The following SHANK2 variants were observed in gnomAD, a reference collection of about 807,000 sequenced individuals.
SHANK2 encodes SH3 and multiple ankyrin repeat domains protein 2.
A neutral mutation model predicts 133.7 loss-of-function variants in SHANK2; 43 were observed. The observed-to-expected ratio is 0.32, with a 90% CI of 0.25 to 0.41. SHANK2 has a LOEUF of 0.41. SHANK2 is among the 10% of genes least tolerant of loss of function. SHANK2 has a pLI of 1.00. For synonymous variants in SHANK2, 1,017 were observed against 952.8 expected (o/e 1.07, Z -1.24); for missense variants, 1,994 against 2,235.8 (o/e 0.89, Z 2.18).
intron 15 of SHANK2, among the ~76,000 whole-genome samples, chr11:70,690,154 A>G (rs983807211): frequency 2.0e-5 from 3 of 152,164 alleles, no homozygotes; most frequent in African/African-American, 7.2e-5. Flanking sequence ...TTCAAATTGG[A>G]GCAGAATGTC....
chr11:70,622,327 C>G (rs570388981), intron 17 of SHANK2, among the ~76,000 whole-genome samples: 208 of 152,252 alleles, frequency 1.4e-3, no homozygotes, highest in Non-Finnish European at 2.5e-3. Flanking sequence ...CCCCCGCCCC[C>G]ACCTGTGCTG....
In SHANK2 at chr11:70,485,991, G is replaced by C. The variant is rs940402416; in HGVS notation, c.4302C>G (p.Leu1434=). ...TTTTCTTCTGCTTCACTAAGTCTGA[G>C]AGAGCCGGGACAGAAGCTGCCCGGT... ...PDDRAASVPA[L]SDLVKQKKSD... is the part of the protein sequence containing the mutation. Residue 1434 remains leucine, a synonymous_variant, in exon 25 of 26, where the codon CTC becomes CTG. Coordinates refer to ENST00000601538, the MANE Select transcript of SHANK2 (RefSeq NM_012309.5). This position sits in a 1 kb window ranked among gnomAD's most constrained non-coding sequence, Gnocchi z 5.8. 10 of 1,614,118 alleles carry C rather than the reference G, an allele frequency of 6.2e-6. No homozygotes were observed. Among genetic ancestry groups the C allele is most frequent in the Non-Finnish European group, 8.5e-6 (10 of 1,180,040 alleles).
At chr11:71,087,548 A>G (rs1951435349) in intron 8 of SHANK2, among the ~76,000 whole-genome samples, 1 of 152,198 alleles carries the variant, frequency 6.6e-6, no homozygotes, top group Admixed American at 6.5e-5. Flanking sequence ...AAGGGAAGAC[A>G]TGTCTGGAAA....
intron 17 of SHANK2, among the ~76,000 whole-genome samples, chr11:70,637,870 G>A (rs1214008835): frequency 6.6e-6 from 1 of 152,240 alleles, no homozygotes; most frequent in Non-Finnish European, 1.5e-5. Flanking sequence ...CCAGTGACGG[G>A]GCTGGAGCCC....
At chr11:70,935,980 C>A (rs899210111) in intron 10 of SHANK2, among the ~76,000 whole-genome samples, 3 of 152,200 alleles carry the variant, frequency 2.0e-5, no homozygotes, top group Non-Finnish European at 2.9e-5. Flanking sequence ...CCTGTCCCTG[C>A]TGCACCGGCT....
At chr11:71,211,702 T>C (rs1229321336) in intron 2 of SHANK2, among the ~76,000 whole-genome samples, 3 of 149,858 alleles carry the variant, frequency 2.0e-5, no homozygotes, top group Admixed American at 6.6e-5. Context: ...AGCTCCCCCA[T>C]CCTCTCCCTC....
At chr11:71,211,456 T>C (rs1954279972) in intron 2 of SHANK2, among the ~76,000 whole-genome samples, 1 of 151,922 alleles carries the variant, frequency 6.6e-6, no homozygotes, top group South Asian at 2.1e-4. Flanking sequence ...GAGAATCACT[T>C]CAGCTAGGGA....
intron 17 of SHANK2, among the ~76,000 whole-genome samples, chr11:70,584,084 G>A (rs74471354): frequency 0.031 from 4,780 of 152,276 alleles, 124 homozygotes; most frequent in East Asian, 0.096. Context: ...ATTATCGGCC[G>A]TGATGGCTGC....
intron 17 of SHANK2, among the ~76,000 whole-genome samples, chr11:70,619,585 G>A (rs1317960003): frequency 1.3e-5 from 2 of 152,196 alleles, no homozygotes; most frequent in Non-Finnish European, 2.9e-5. Context: ...GAAGGCAGTC[G>A]GTCGACAGGC....
At chr11:71,205,330 G>A (rs1555117830) in intron 2 of SHANK2, among the ~76,000 whole-genome samples, 1 of 152,176 alleles carries the variant, frequency 6.6e-6, no homozygotes, top group Non-Finnish European at 1.5e-5. Context: ...TCTCTGGTCA[G>A]AGGGTACTGA....
chr11:70,951,245 C>T (rs951564793), intron 10 of SHANK2, among the ~76,000 whole-genome samples: 3 of 151,304 alleles, frequency 2.0e-5, no homozygotes, highest in Non-Finnish European at 4.4e-5. Context: ...AAATTCATTT[C>T]CCCTGGCTGC....
intron 14 of SHANK2, among the ~76,000 whole-genome samples, chr11:70,747,807 TGA>T (rs1313997118): frequency 2.6e-5 from 4 of 152,218 alleles, no homozygotes; most frequent in African/African-American, 4.8e-5. Flanking sequence ...TGCATGTTTG[TGA>T]GTGTCCACGT....
At chr11:70,762,358 C>A (rs895672138) in intron 14 of SHANK2, among the ~76,000 whole-genome samples, 2 of 152,192 alleles carry the variant, frequency 1.3e-5, no homozygotes, top group African/African-American at 4.8e-5. Flanking sequence ...GTCAGGCTGT[C>A]GGTTAGTGGC....
In SHANK2 at chr11:71,071,038, T is replaced by C. The variant is rs990715103; in HGVS notation, c.1029+4121A>G. 1.8e-4 allele frequency among the ~76,000 whole-genome samples: 28 copies of C among 152,358 alleles called. No individual in the cohort carries two copies. The East Asian group carries it at 4.6e-3, about 25-fold the overall frequency. The stretch of plus-strand genomic sequence containing the variant: ...CTAATCAGAAAGAAACATCAACACT[T>C]TCAAATACCATCTTGTCCACAATTA... On this transcript the variant is annotated intron_variant, in intron 9 of 25. Transcript: ENST00000601538.
chr11:70,515,080 G>A (rs895432181), intron 17 of SHANK2, among the ~76,000 whole-genome samples: 2 of 152,120 alleles, frequency 1.3e-5, no homozygotes, highest in South Asian at 2.1e-4. Context: ...TTGCTCTGTC[G>A]CCCAGGCTGG....
At position 70,661,500 on chromosome 11, in the gene SHANK2, T is replaced by TACAC. The variant is rs3837380; in HGVS notation, c.1936+92_1936+95dup. The TACAC allele has an allele frequency of 3.5e-3, 3,736 of 1,060,880 alleles. 8 individuals are homozygous for TACAC. The highest frequency in any genetic ancestry group is 0.014 in the African/African-American group (762 of 54,812). 65.7% of individuals were successfully genotyped at this position (1,060,880 alleles called of 1,614,324 possible). On this transcript the variant is annotated intron_variant, in intron 16 of 25. Transcript: ENST00000601538. Reference sequence around the variant, plus strand: ...GGGGAACGTTTTTCATGCAGGCGTATACACACACACACACACACACACACA... The same window carrying TACAC: ...GGGGAACGTTTTTCATGCAGGCGTATACACACACACACACACACACACACACACA...
intron 3 of SHANK2, among the ~76,000 whole-genome samples, chr11:71,133,865 G>C (rs1555104227): frequency 6.6e-6 from 1 of 151,960 alleles, no homozygotes; most frequent in East Asian, 1.9e-4. Flanking sequence ...AAGCAACTGG[G>C]AGAGAACATT....
At chr11:70,772,736 T>C (rs782507986) in intron 14 of SHANK2, among the ~76,000 whole-genome samples, 1 of 152,174 alleles carries the variant, frequency 6.6e-6, no homozygotes, top group Non-Finnish European at 1.5e-5. Flanking sequence ...CATCTTCCAC[T>C]GCTTTACACC....
At chr11:70,819,069 T>A (rs765407262) in intron 12 of SHANK2, among the ~76,000 whole-genome samples, 73 of 152,038 alleles carry the variant, frequency 4.8e-4, no homozygotes, top group Non-Finnish European at 9.0e-4. Flanking sequence ...GGACCCCGAG[T>A]GGCTTTGAGG....
Sources: allele counts gnomAD v4.1 joint callset (sites outside exome capture counted in the v4.1 genomes callset), GRCh38; gene constraint gnomAD v4.1.1; non-coding constraint Gnocchi (gnomAD v3.1); transcripts MANE v1.5; gene names NCBI Gene and HGNC (gene_info 2026-07-23, HGNC 2026-07-21).